The following NUMB variants were observed in gnomAD, a reference collection of about 807,000 sequenced individuals.
NUMB encodes NUMB endocytic adaptor protein.
In NUMB, 29 loss-of-function variants were observed where a neutral mutation model predicts 59.7. The observed-to-expected ratio is 0.49, with a 90% CI of 0.36 to 0.66. NUMB has a LOEUF of 0.66. Among genes scored for constraint, NUMB ranks in the 30% least tolerant of loss-of-function variants. NUMB has a pLI of 0.00. For synonymous variants in NUMB, 288 were observed against 288.2 expected (o/e 1.00, Z 0.01); for missense variants, 723 against 822.0 (o/e 0.88, Z 1.47).
At chr14:73,430,576 G>GTGCGCTGCAT (rs1476643823) in intron 1 of NUMB, among the ~76,000 whole-genome samples, 2 of 152,072 alleles carry the variant, frequency 1.3e-5, no homozygotes, top group African/African-American at 2.4e-5. Flanking sequence ...CGAGGCTGCA[G>GTGCGCTGCAT]TGAGCCATGA....
chr14:73,316,795 A>G (rs1891107594), intron 5 of NUMB, among the ~76,000 whole-genome samples: 1 of 152,260 alleles, frequency 6.6e-6, no homozygotes, highest in Non-Finnish European at 1.5e-5. Flanking sequence ...AAATTTTATA[A>G]TAGTGAATAG....
intron 7 of NUMB, among the ~76,000 whole-genome samples, chr14:73,294,211 G>A (rs556382348): frequency 3.3e-5 from 5 of 152,096 alleles, no homozygotes; most frequent in East Asian, 1.9e-4. Context: ...ACATCAGGGC[G>A]TTTTTGTTCT....
At chr14:73,279,895 GC>G (rs1363524288) in intron 11 of NUMB, among the ~76,000 whole-genome samples, 3 of 152,172 alleles carry the variant, frequency 2.0e-5, no homozygotes, top group Admixed American at 1.3e-4. Context: ...GGTGGCTCAC[GC>G]CTGTAATCCC....
intron 2 of NUMB, among the ~76,000 whole-genome samples, chr14:73,394,106 T>C (rs1895996116): frequency 6.6e-6 from 1 of 152,090 alleles, no homozygotes; most frequent in Non-Finnish European, 1.5e-5. Flanking sequence ...GCTGGGATTA[T>C]GGGCATGCCC....
At chr14:73,312,086 T>A (rs996263534) in intron 6 of NUMB, among the ~76,000 whole-genome samples, 1 of 151,952 alleles carries the variant, frequency 6.6e-6, no homozygotes, top group Non-Finnish European at 1.5e-5. Context: ...TAAAAAAAAA[T>A]TTTCCCCAAT....
At chr14:73,340,733 C>T (rs1892589723) in intron 4 of NUMB, among the ~76,000 whole-genome samples, 1 of 152,132 alleles carries the variant, frequency 6.6e-6, no homozygotes, top group Non-Finnish European at 1.5e-5. Flanking sequence ...AAAACTTTTA[C>T]AATAAACTCA....
At chr14:73,403,783 C>T in intron 2 of NUMB, among the ~76,000 whole-genome samples, 1 of 151,890 alleles carries the variant, frequency 6.6e-6, no homozygotes. Context: ...TGGCAAAACC[C>T]TGTCTCTATT....
At chr14:73,414,287 C>CT (rs1233990192) in intron 1 of NUMB, among the ~76,000 whole-genome samples, 1 of 152,144 alleles carries the variant, frequency 6.6e-6, no homozygotes, top group African/African-American at 2.4e-5. Flanking sequence ...GTATTACAGC[C>CT]TTAAGTTTTC....
chr14:73,344,682 G>C (rs1354339085), intron 4 of NUMB, among the ~76,000 whole-genome samples: 1 of 152,130 alleles, frequency 6.6e-6, no homozygotes, highest in Non-Finnish European at 1.5e-5. Flanking sequence ...TTAACAGTGA[G>C]TTAAAATAAT....
At chr14:73,353,338 C>T (rs891828016) in intron 4 of NUMB, among the ~76,000 whole-genome samples, 26 of 149,074 alleles carry the variant, frequency 1.7e-4, no homozygotes, top group Middle Eastern at 3.4e-3. Context: ...CCGCCCGCCT[C>T]GGCATCCCAA....
At chr14:73,450,098 G>C (rs1192871256) in intron 1 of NUMB, among the ~76,000 whole-genome samples, 1 of 152,164 alleles carries the variant, frequency 6.6e-6, no homozygotes, top group Admixed American at 6.5e-5. Flanking sequence ...GTCTATAATA[G>C]ATCTAATGTG....
intron 1 of NUMB, among the ~76,000 whole-genome samples, chr14:73,432,677 T>G (rs1191079256): frequency 1.3e-5 from 2 of 152,118 alleles, no homozygotes; most frequent in Non-Finnish European, 2.9e-5. Context: ...CATTCACTCC[T>G]TAAGTCAGCC....
chr14:73,278,045 CAAAAAA>C (rs57146032), intron 12 of NUMB, among the ~76,000 whole-genome samples: 4 of 69,234 alleles, frequency 5.8e-5, no homozygotes, highest in South Asian at 7.6e-4. Flanking sequence ...GACTCCGTCT[CAAAAAA>C]AAAAAAAAAA....
At chr14:73,343,849 G>T (rs548632910) in intron 4 of NUMB, among the ~76,000 whole-genome samples, 1 of 151,626 alleles carries the variant, frequency 6.6e-6, no homozygotes, top group Non-Finnish European at 1.5e-5. Context: ...GCTTATAAAA[G>T]AAACTTATAA....
intron 2 of NUMB, among the ~76,000 whole-genome samples, chr14:73,396,616 T>A (rs1292184387): frequency 6.6e-6 from 1 of 152,056 alleles, no homozygotes; most frequent in Non-Finnish European, 1.5e-5. Context: ...CTGATACTCC[T>A]GTCTTAGCCT....
intron 2 of NUMB, among the ~76,000 whole-genome samples, chr14:73,390,590 C>G (rs1484089114): frequency 6.8e-6 from 1 of 146,592 alleles, no homozygotes; most frequent in South Asian, 2.2e-4. Flanking sequence ...AATCATTACC[C>G]TACTGTCTTA....
chr14:73,411,763 C>A (rs1228082682), intron 1 of NUMB, among the ~76,000 whole-genome samples: 1 of 152,060 alleles, frequency 6.6e-6, no homozygotes, highest in Non-Finnish European at 1.5e-5. Context: ...AGTAAAAATT[C>A]TTAGAACTTT....
At chr14:73,373,731 C>T (rs573439086) in intron 2 of NUMB, among the ~76,000 whole-genome samples, 5 of 128,544 alleles carry the variant, frequency 3.9e-5, no homozygotes, top group Admixed American at 8.4e-5. Flanking sequence ...TTTTTAAAGA[C>T]AGGGTCTTAC....
intron 1 of NUMB, among the ~76,000 whole-genome samples, chr14:73,450,359 C>T (rs1883835300): frequency 6.6e-6 from 1 of 152,224 alleles, no homozygotes; most frequent in African/African-American, 2.4e-5. Context: ...TCCATTCTGT[C>T]ATGCTGCCTC....
Sources: gnomAD v4.1 joint callset for allele counts (sites outside exome capture counted in the v4.1 genomes callset) on GRCh38, gnomAD v4.1.1 for gene constraint, MANE v1.5 for transcripts, NCBI Gene and HGNC (gene_info 2026-07-23, HGNC 2026-07-21) for gene names.